Variants in TMEM117 observed in about 807,000 individuals in gnomAD.
TMEM117 encodes the protein transmembrane protein 117.
Under a neutral mutation model 52.4 loss-of-function variants are expected in TMEM117, and 27 were observed. The ratio of observed to expected loss-of-function variants is 0.51; its 90% CI spans 0.38 to 0.71. TMEM117 has a LOEUF of 0.71. TMEM117 is among the 30% of genes least tolerant of loss of function. The pLI, the probability that TMEM117 is intolerant of heterozygous loss-of-function variation, is 0.00. For missense variants in TMEM117, 556 were observed against 630.5 expected, an observed-to-expected ratio of 0.88 and a Z score of 1.26; for synonymous variants, 215 against 206.3, an observed-to-expected ratio of 1.04 and a Z score of -0.36.
At chr12:44,168,594 A>G (rs1261096042) in intron 4 of TMEM117, among the ~76,000 whole-genome samples, 1 of 152,202 alleles carries the variant, frequency 6.6e-6, no homozygotes, top group Non-Finnish European at 1.5e-5. Context: ...TATTCTAAAT[A>G]ATGATACATC....
chr12:43,950,068 G>C (rs1478654328), intron 3 of TMEM117, among the ~76,000 whole-genome samples: 1 of 151,848 alleles, frequency 6.6e-6, no homozygotes, highest in Non-Finnish European at 1.5e-5. Flanking sequence ...TTTTCTTTTA[G>C]TGAAAAAAAT....
At chr12:44,042,401 G>A (rs1472274196) in intron 3 of TMEM117, among the ~76,000 whole-genome samples, 1 of 151,474 alleles carries the variant, frequency 6.6e-6, no homozygotes, top group African/African-American at 2.4e-5. Flanking sequence ...GGTTAACACT[G>A]AGTGTCAACT....
At chr12:43,958,907 C>T (rs566380376) in intron 3 of TMEM117, among the ~76,000 whole-genome samples, 3 of 152,100 alleles carry the variant, frequency 2.0e-5, no homozygotes, top group East Asian at 3.9e-4. Context: ...CCCGGGTTCA[C>T]GCCATTCTCC....
intron 6 of TMEM117, among the ~76,000 whole-genome samples, chr12:44,356,572 A>T (rs923491193): frequency 6.6e-6 from 1 of 152,030 alleles, no homozygotes; most frequent in Admixed American, 6.6e-5. Flanking sequence ...TTCCCACCTG[A>T]AGATGTTATT....
At chr12:43,805,498 T>C in the TMEM117 span, 1 of 455,624 alleles carries the variant, frequency 2.2e-6, no homozygotes, top group South Asian at 1.6e-5. Context: ...GGGGATATAT[T>C]ATTTGACTCT....
At chr12:43,898,385 T>A (rs1016265680) in intron 2 of TMEM117, among the ~76,000 whole-genome samples, 2 of 148,418 alleles carry the variant, frequency 1.3e-5, no homozygotes, top group Non-Finnish European at 3.0e-5. Context: ...ATATATTAAT[T>A]AATAATATAT....
chr12:44,089,225 A>G (rs1195921524), intron 3 of TMEM117, among the ~76,000 whole-genome samples: 1 of 151,952 alleles, frequency 6.6e-6, no homozygotes, highest in East Asian at 1.9e-4. Context: ...GGTATAAAAA[A>G]CTCCTTGACA....
intron 4 of TMEM117, among the ~76,000 whole-genome samples, chr12:44,174,241 C>G (rs1949087739): frequency 6.6e-6 from 1 of 152,146 alleles, no homozygotes; most frequent in Non-Finnish European, 1.5e-5. Context: ...GACCCTTGGG[C>G]CATATCCAGC....
chr12:44,358,301 A>C (rs955190455), intron 6 of TMEM117, among the ~76,000 whole-genome samples: 10 of 152,180 alleles, frequency 6.6e-5, no homozygotes, highest in African/African-American at 2.2e-4. Flanking sequence ...ACCTGTATAT[A>C]TAACCCATGA....
chr12:44,106,269 G>T (rs1314674593), intron 3 of TMEM117, among the ~76,000 whole-genome samples: 2 of 151,980 alleles, frequency 1.3e-5, no homozygotes, highest in Non-Finnish European at 2.9e-5. Flanking sequence ...GAGGAGCCTG[G>T]TGAACTGAAA....
intron 3 of TMEM117, among the ~76,000 whole-genome samples, chr12:44,029,717 G>A (rs1184733711): frequency 6.6e-6 from 1 of 152,214 alleles, no homozygotes; most frequent in African/African-American, 2.4e-5. Context: ...TTAAGCTATT[G>A]TGAATTTGGT....
At position 44,008,878 on chromosome 12, in the gene TMEM117, C is replaced by T. The variant is rs542980710; in HGVS notation, c.410+64536C>T. Reference sequence around the variant, plus strand: ...TGTCATGACTAAAGCATTTCCCGCACCATGAGCATCTATATGGTTTTACTC... The same window carrying T: ...TGTCATGACTAAAGCATTTCCCGCATCATGAGCATCTATATGGTTTTACTC... On this transcript the variant is annotated intron_variant, in intron 3 of 7. Coordinates refer to ENST00000266534, the MANE Select transcript of TMEM117 (RefSeq NM_032256.3). 9.4e-6 allele frequency: 4 copies of T among 425,304 alleles called. No individual in the cohort carries two copies. The Admixed American group carries it at 1.2e-4, about 13-fold the overall frequency. 26.3% of individuals were successfully genotyped at this position (425,304 alleles called of 1,614,324 possible).
At chr12:44,013,642 G>A (rs1175326327) in intron 3 of TMEM117, among the ~76,000 whole-genome samples, 2 of 152,084 alleles carry the variant, frequency 1.3e-5, no homozygotes, top group African/African-American at 4.8e-5. Context: ...GAAGGGTGAG[G>A]GTCCTCCGTG....
chr12:44,043,482 T>A (rs1946833001), intron 3 of TMEM117, among the ~76,000 whole-genome samples: 2 of 152,080 alleles, frequency 1.3e-5, no homozygotes, highest in South Asian at 4.1e-4. Flanking sequence ...CTGATGAAAC[T>A]TTTTTTGCCA....
downstream of TMEM117, among the ~76,000 whole-genome samples, chr12:44,391,837 C>T (rs1171971877): frequency 4.6e-5 from 7 of 152,114 alleles, no homozygotes; most frequent in Admixed American, 4.6e-4. Context: ...CATGCTTAGG[C>T]AGCTACAAGT....
chr12:44,247,865 G>A (rs1469915870), intron 5 of TMEM117, among the ~76,000 whole-genome samples: 1 of 152,190 alleles, frequency 6.6e-6, no homozygotes, highest in Non-Finnish European at 1.5e-5. Context: ...TCACCAGAGG[G>A]TTGGGCTGGC....
At chr12:44,165,837 G>A (rs745315577) in intron 4 of TMEM117, among the ~76,000 whole-genome samples, 29 of 152,132 alleles carry the variant, frequency 1.9e-4, no homozygotes, top group Admixed American at 2.0e-4. Context: ...AATCAACAAA[G>A]AAACATTGGA....
chr12:43,838,660 C>A (rs1237911579), intron 1 of TMEM117, among the ~76,000 whole-genome samples: 2 of 147,178 alleles, frequency 1.4e-5, no homozygotes, highest in African/African-American at 5.1e-5. Flanking sequence ...CAAGTCATCA[C>A]TTAGTACTTA....
intron 2 of TMEM117, among the ~76,000 whole-genome samples, chr12:43,850,869 ATGG>A (rs1469978900): frequency 2.7e-5 from 4 of 146,950 alleles, no homozygotes; most frequent in Non-Finnish European, 3.0e-5. Context: ...GGTGATGATG[ATGG>A]TGATGATGAT....
Sources: gnomAD v4.1 joint callset for allele counts (sites outside exome capture counted in the v4.1 genomes callset) on GRCh38, gnomAD v4.1.1 for gene constraint, MANE v1.5 for transcripts, NCBI Gene and HGNC (gene_info 2026-07-23, HGNC 2026-07-21) for gene names.